The following ZFAT variants were observed in gnomAD, a reference collection of about 807,000 sequenced individuals.
The protein encoded by ZFAT is zinc finger protein ZFAT.
ZFAT carries 64 observed loss-of-function variants against 117.7 expected under a neutral mutation model. The ratio of observed to expected loss-of-function variants is 0.54; its 90% CI spans 0.44 to 0.67. ZFAT has a LOEUF of 0.67. Among genes scored for constraint, ZFAT ranks in the 30% least tolerant of loss-of-function variants. The probability of loss-of-function intolerance (pLI) is 0.00; values close to 1 mark genes in which losing one functional copy is unlikely to be tolerated. For missense variants in ZFAT, 1,433 were observed against 1,584.5 expected (o/e 0.90, Z 1.62); for synonymous variants, 679 against 615.0 (o/e 1.10, Z -1.54).
At chr8:134,727,505 T>C in the ZFAT span, among the ~76,000 whole-genome samples, 1 of 152,234 alleles carries the variant, frequency 6.6e-6, no homozygotes, top group East Asian at 1.9e-4. Flanking sequence ...ACTGCCCTTT[T>C]GGGATTTCTA....
At chr8:134,785,349 T>G in the ZFAT span, 6 of 152,190 alleles carry the variant, frequency 3.9e-5, no homozygotes, top group African/African-American at 1.4e-4. Flanking sequence ...TCTTTTGTCA[T>G]ACTTAAGTTT....
At chr8:134,518,127 T>C (rs1411902922) in intron 13 of ZFAT, among the ~76,000 whole-genome samples, 1 of 152,230 alleles carries the variant, frequency 6.6e-6, no homozygotes, top group Non-Finnish European at 1.5e-5. Context: ...ATTGTTCCTG[T>C]GGTATTCTAA....
At chr8:134,636,783 T>C (rs957633388) in intron 3 of ZFAT, among the ~76,000 whole-genome samples, 6 of 152,214 alleles carry the variant, frequency 3.9e-5, no homozygotes, top group Non-Finnish European at 8.8e-5. Flanking sequence ...GCAGACACAC[T>C]ACCCCACAGC....
the ZFAT span, among the ~76,000 whole-genome samples, chr8:134,825,885 G>A: frequency 6.6e-6 from 1 of 152,086 alleles, no homozygotes; most frequent in African/African-American, 2.4e-5. Context: ...GCCGGGCGTG[G>A]TGGCGGGCGC....
intron 12 of ZFAT, among the ~76,000 whole-genome samples, chr8:134,529,105 T>C (rs75352255): frequency 0.067 from 10,226 of 152,146 alleles, 522 homozygotes; most frequent in African/African-American, 0.13. Context: ...AGAGGTTAAG[T>C]ACCTGGTCCA....
At chr8:134,751,571 C>T in the ZFAT span, among the ~76,000 whole-genome samples, 1 of 151,940 alleles carries the variant, frequency 6.6e-6, no homozygotes, top group African/African-American at 2.4e-5. Flanking sequence ...TAAAAGTGAC[C>T]CAGAGAGATG....
intron 1 of ZFAT, among the ~76,000 whole-genome samples, chr8:134,664,100 A>C (rs1832079369): frequency 6.6e-6 from 1 of 152,140 alleles, no homozygotes; most frequent in African/African-American, 2.4e-5. Flanking sequence ...AGGGGCTCCC[A>C]GACTCCAGAA....
intron 1 of ZFAT, among the ~76,000 whole-genome samples, chr8:134,701,523 C>A (rs1428220965): frequency 6.6e-6 from 1 of 152,186 alleles, no homozygotes; most frequent in Non-Finnish European, 1.5e-5. Flanking sequence ...GAAATATATT[C>A]CAAGAAGCGA....
intron 1 of ZFAT, among the ~76,000 whole-genome samples, chr8:134,684,742 G>C (rs185869175): frequency 4.3e-4 from 65 of 152,340 alleles, no homozygotes; most frequent in Admixed American, 1.4e-3. Flanking sequence ...GTGGGGAAAA[G>C]GCATTCTTGG....
chr8:134,630,646 T>C (rs1489015253), intron 3 of ZFAT, among the ~76,000 whole-genome samples: 2 of 152,174 alleles, frequency 1.3e-5, no homozygotes, highest in Non-Finnish European at 2.9e-5. Flanking sequence ...TTTATAAATT[T>C]GACATATTGA....
intron 9 of ZFAT, among the ~76,000 whole-genome samples, 184 bp downstream of exon 9, chr8:134,588,062 G>A (rs1296217355): frequency 6.6e-6 from 1 of 152,176 alleles, no homozygotes; most frequent in Non-Finnish European, 1.5e-5. Context: ...CATTGCAATT[G>A]CAACTAATTA....
chr8:134,754,177 C>T, the ZFAT span, among the ~76,000 whole-genome samples: 1 of 152,166 alleles, frequency 6.6e-6, no homozygotes, highest in Non-Finnish European at 1.5e-5. Flanking sequence ...TCCATTATCG[C>T]CTACAGGCAG....
intron 11 of ZFAT, among the ~76,000 whole-genome samples, chr8:134,546,517 C>T (rs899900290): frequency 6.6e-6 from 1 of 152,162 alleles, no homozygotes; most frequent in East Asian, 1.9e-4. Context: ...TGAATTCAGA[C>T]TTAATTCAGT....
the ZFAT span, among the ~76,000 whole-genome samples, chr8:134,805,571 C>G: frequency 2.6e-5 from 4 of 152,222 alleles, no homozygotes; most frequent in Non-Finnish European, 2.9e-5. Context: ...AGGCAATATA[C>G]TAAAACCATT....
intron 1 of ZFAT, among the ~76,000 whole-genome samples, chr8:134,701,970 A>C (rs1834019513): frequency 6.6e-6 from 1 of 152,210 alleles, no homozygotes; most frequent in Non-Finnish European, 1.5e-5. Context: ...GAATGAATTA[A>C]AGAGTTAATG....
the ZFAT span, among the ~76,000 whole-genome samples, chr8:134,790,549 CAT>C: frequency 6.6e-6 from 1 of 152,144 alleles, no homozygotes; most frequent in African/African-American, 2.4e-5. Flanking sequence ...CAGTGCGTAC[CAT>C]TTCTCTACCA....
intron 15 of ZFAT, among the ~76,000 whole-genome samples, chr8:134,492,924 A>C (rs1411187972): frequency 6.6e-6 from 1 of 152,204 alleles, no homozygotes; most frequent in Admixed American, 6.5e-5. Context: ...CATTCCATAC[A>C]TCAACGGAGA....
chr8:134,481,405 T>C (rs1165627044), intron 15 of ZFAT, among the ~76,000 whole-genome samples: 1 of 152,206 alleles, frequency 6.6e-6, no homozygotes, highest in Non-Finnish European at 1.5e-5. Context: ...AACCCATCCA[T>C]GAGCTTTAAC....
At chr8:134,795,560 T>C in the ZFAT span, 1 of 152,146 alleles carries the variant, frequency 6.6e-6, no homozygotes, top group South Asian at 2.1e-4. Context: ...TCATTTTCAT[T>C]GGGGAAAGAG....
Sources: allele counts gnomAD v4.1 joint callset (sites outside exome capture counted in the v4.1 genomes callset), GRCh38; gene constraint gnomAD v4.1.1; transcripts MANE v1.5; gene names NCBI Gene and HGNC (gene_info 2026-07-23, HGNC 2026-07-21).